The following JARID2 variants were observed in gnomAD, a reference collection of about 807,000 sequenced individuals.
JARID2 encodes the protein protein Jumonji.
JARID2 carries 21 observed loss-of-function variants against 125.6 expected under a neutral mutation model. That is an observed-to-expected ratio of 0.17 (90% CI 0.12 to 0.24). The LOEUF (loss-of-function observed/expected upper bound fraction) is 0.24, where lower values mean the gene tolerates loss of function less well. Among genes scored for constraint, JARID2 ranks in the 10% least tolerant of loss-of-function variants. The pLI is 1.00. For missense variants in JARID2, 1,303 were observed against 1,639.6 expected (o/e 0.79, Z 3.55); for synonymous variants, 736 against 661.6 (o/e 1.11, Z -1.73).
intron 1 of JARID2, among the ~76,000 whole-genome samples, chr6:15,362,141 G>A (rs959863413): frequency 4.0e-5 from 6 of 148,306 alleles, no homozygotes; most frequent in East Asian, 1.9e-4. Context: ...CGCCCCCCCC[G>A]CCTCCCAAAG....
chr6:15,501,099 C>T lies in JARID2; in HGVS notation c.2138C>T (p.Pro713Leu). Residue 713 changes from proline (P) to leucine (L), a missense_variant, in exon 8 of 18, where the codon CCA becomes CTA. Physicochemically the swap from Pro to Leu is moderately conservative, Grantham distance 98. Around this residue, in one of 11 missense-constraint regions of JARID2, gnomAD observed 64 missense variants for 166.8 expected, o/e 0.38. Transcript: ENST00000341776. ...QYLLSYDSLS[P>L]EEHRRLEKEV... ...CTACTCTCCTACGACTCCCTGTCCC[C>T]AGAGGAGCACCGGCGGCTGGAGAAG... The T allele has an allele frequency of 1.2e-6, 2 of 1,614,102 alleles. No homozygotes were observed. The highest frequency in any genetic ancestry group is 1.7e-6 in the Non-Finnish European group (2 of 1,179,970).
chr6:15,282,491 A>T (rs1025967120), intron 1 of JARID2, among the ~76,000 whole-genome samples: 1 of 151,266 alleles, frequency 6.6e-6, no homozygotes. Flanking sequence ...TTTATCCACT[A>T]TTATATTGGG....
At chr6:15,332,978 C>T (rs1163774022) in intron 1 of JARID2, among the ~76,000 whole-genome samples, 3 of 120,082 alleles carry the variant, frequency 2.5e-5, no homozygotes, top group Non-Finnish European at 3.2e-5. Flanking sequence ...GTCGCCCAGG[C>T]TGGAGTGCAG....
intron 3 of JARID2, among the ~76,000 whole-genome samples, chr6:15,443,399 ATTTAATC>A (rs1327684446): frequency 6.6e-6 from 1 of 152,162 alleles, no homozygotes; most frequent in Non-Finnish European, 1.5e-5. Flanking sequence ...TATTGCTACT[ATTTAATC>A]TTTAAGGGAG....
chr6:15,485,989 T>C (rs1769847257), intron 5 of JARID2, among the ~76,000 whole-genome samples: 1 of 152,184 alleles, frequency 6.6e-6, no homozygotes, highest in Non-Finnish European at 1.5e-5. Context: ...GTGAGGGAAT[T>C]CTACCTGAAG....
intron 2 of JARID2, among the ~76,000 whole-genome samples, chr6:15,377,333 G>C (rs1405808822): frequency 6.6e-6 from 1 of 152,164 alleles, no homozygotes; most frequent in Admixed American, 6.5e-5. Context: ...ACTATCACAA[G>C]AATAGCACGG....
intron 17 of JARID2, among the ~76,000 whole-genome samples, chr6:15,518,930 G>A (rs115296512): frequency 5.5e-4 from 84 of 152,308 alleles, no homozygotes; most frequent in African/African-American, 2.0e-3. Flanking sequence ...TTGCTGGGGT[G>A]GGGGGTGCAC....
At chr6:15,332,849 T>C (rs887171533) in intron 1 of JARID2, among the ~76,000 whole-genome samples, 4 of 152,106 alleles carry the variant, frequency 2.6e-5, no homozygotes, top group Admixed American at 2.0e-4. Context: ...TCTTCCCGTA[T>C]TCTTCTGTTA....
At chr6:15,372,043 A>G (rs1214937382) in intron 1 of JARID2, among the ~76,000 whole-genome samples, 1 of 152,216 alleles carries the variant, frequency 6.6e-6, no homozygotes, top group African/African-American at 2.4e-5. Flanking sequence ...AAATCTGTGA[A>G]GCTTAACGAA....
chr6:15,479,623 GTGT>G (rs1164251852), intron 5 of JARID2, among the ~76,000 whole-genome samples: 21 of 152,326 alleles, frequency 1.4e-4, no homozygotes, highest in African/African-American at 5.1e-4. Flanking sequence ...AGATTTCATT[GTGT>G]GAAAGTTCCA....
At chr6:15,436,782 T>C (rs993776037) in intron 3 of JARID2, among the ~76,000 whole-genome samples, 2 of 152,032 alleles carry the variant, frequency 1.3e-5, no homozygotes, top group African/African-American at 4.8e-5. Flanking sequence ...TCTAGTGGTG[T>C]GGACTCCTGC....
At chr6:15,283,079 T>A (rs374086254) in intron 1 of JARID2, among the ~76,000 whole-genome samples, 2 of 151,678 alleles carry the variant, frequency 1.3e-5, no homozygotes, top group African/African-American at 4.8e-5. Context: ...CCCGGGTTCT[T>A]GCCATTCTCC....
chr6:15,408,521 C>T (rs1315195932), intron 2 of JARID2, among the ~76,000 whole-genome samples: 2 of 152,168 alleles, frequency 1.3e-5, no homozygotes, highest in Non-Finnish European at 2.9e-5. Flanking sequence ...CTAATGTGAT[C>T]TGAGTGCTGA....
intron 2 of JARID2, among the ~76,000 whole-genome samples, chr6:15,392,680 C>CT (rs35429221): frequency 0.42 from 50,138 of 120,688 alleles, 11,050 homozygotes; most frequent in African/African-American, 0.47. Context: ...GATTAAGAGA[C>CT]TTTTTTTTTT....
intron 1 of JARID2, among the ~76,000 whole-genome samples, chr6:15,266,900 C>T (rs932024171): frequency 5.9e-5 from 9 of 152,198 alleles, no homozygotes; most frequent in African/African-American, 2.2e-4. Context: ...AGCTGCATGT[C>T]CAGGAGGATC....
chr6:15,367,090 G>A (rs552156336), intron 1 of JARID2, among the ~76,000 whole-genome samples: 4 of 152,018 alleles, frequency 2.6e-5, no homozygotes, highest in Non-Finnish European at 4.4e-5. Flanking sequence ...TTTCCCTGTC[G>A]TTACTACCAG....
intron 1 of JARID2, among the ~76,000 whole-genome samples, chr6:15,269,599 T>A (rs1305626933): frequency 6.7e-6 from 1 of 148,980 alleles, no homozygotes; most frequent in Admixed American, 6.8e-5. Context: ...TTGGTAGAGA[T>A]GGGGTCTAGC....
chr6:15,435,972 A>T (rs1323149476), intron 3 of JARID2, among the ~76,000 whole-genome samples: 3 of 152,106 alleles, frequency 2.0e-5, no homozygotes, highest in African/African-American at 7.2e-5. Context: ...CGTGCGATGG[A>T]GGAGTGGCTC....
At chr6:15,308,849 T>G (rs1180467384) in intron 1 of JARID2, among the ~76,000 whole-genome samples, 1 of 152,222 alleles carries the variant, frequency 6.6e-6, no homozygotes, top group Non-Finnish European at 1.5e-5. Flanking sequence ...GGCTGTGTGC[T>G]TGGATAATAG....
Sources: allele counts gnomAD v4.1 joint callset (sites outside exome capture counted in the v4.1 genomes callset), GRCh38; gene constraint gnomAD v4.1.1; regional missense constraint gnomAD v4.1.1; transcripts MANE v1.5; gene names NCBI Gene and HGNC (gene_info 2026-07-23, HGNC 2026-07-21).